Variants in SPTA1 observed in about 807,000 individuals in gnomAD.
SPTA1 encodes the protein spectrin alpha chain, erythrocytic 1.
Under a neutral mutation model 324.7 loss-of-function variants are expected in SPTA1, and 177 were observed. The ratio of observed to expected loss-of-function variants is 0.55; its 90% CI spans 0.48 to 0.62. The LOEUF (loss-of-function observed/expected upper bound fraction) is 0.62, where lower values mean the gene tolerates loss of function less well. Among genes scored for constraint, SPTA1 ranks in the 20% least tolerant of loss-of-function variants. The pLI is 0.00. For synonymous variants in SPTA1, 1,195 were observed against 1,041.3 expected, an observed-to-expected ratio of 1.15 and a Z score of -2.84; for missense variants, 3,162 against 2,883.6, an observed-to-expected ratio of 1.10 and a Z score of -2.21.
chr1:158,616,607 A>C (rs1176186263), intron 47 of SPTA1, among the ~76,000 whole-genome samples: 1 of 151,640 alleles, frequency 6.6e-6, no homozygotes, highest in Non-Finnish European at 1.5e-5. Context: ...GACAAATAAT[A>C]TTCCATTGTG....
At chr1:158,676,578 C>G (rs750983903) in intron 7 of SPTA1, among the ~76,000 whole-genome samples, 1 of 151,908 alleles carries the variant, frequency 6.6e-6, no homozygotes, top group Non-Finnish European at 1.5e-5. Context: ...TTCTTTTATG[C>G]GAAAACTGAG....
chr1:158,683,200 A>T (rs1264574220), intron 3 of SPTA1, among the ~76,000 whole-genome samples, 171 bp downstream of exon 3: 1 of 152,126 alleles, frequency 6.6e-6, no homozygotes, highest in Non-Finnish European at 1.5e-5. Flanking sequence ...TCTTCACCCC[A>T]AGAAACACGA....
chr1:158,664,359 T>C (rs1042457949), intron 16 of SPTA1, among the ~76,000 whole-genome samples: 9 of 152,102 alleles, frequency 5.9e-5, no homozygotes, highest in Admixed American at 4.6e-4. Flanking sequence ...TAAAAAAGAA[T>C]GAGTTCATGT....
chr1:158,673,179 G>A (rs1046634351), intron 10 of SPTA1, among the ~76,000 whole-genome samples: 25 of 151,218 alleles, frequency 1.7e-4, no homozygotes, highest in Middle Eastern at 3.4e-3. Flanking sequence ...AAGTTTTTAA[G>A]TACTTTTGAG....
chr1:158,651,868 G>C (rs1652459931), intron 23 of SPTA1, among the ~76,000 whole-genome samples: 1 of 149,196 alleles, frequency 6.7e-6, no homozygotes, highest in African/African-American at 2.5e-5. Context: ...GTAAGAAACA[G>C]CTCTAGGGAG....
At chr1:158,676,107 A>T (rs1282945521) in intron 8 of SPTA1, 34 bp downstream of exon 8, 1 of 1,612,578 alleles carries the variant, frequency 6.2e-7, no homozygotes, top group Non-Finnish European at 8.5e-7. Context: ...CCCTGTAGAG[A>T]TAGGTAGAGC....
Position 158,638,086 on chromosome 1 carries a change from G to A in SPTA1, c.5136C>T (p.Ala1712=), listed in dbSNP as rs778890553. ...AAAHHEKLKE[A]YALFQFFQDL... The stretch of plus-strand genomic sequence containing the variant: ...CCTGGAAGAACTGGAACAAGGCATA[G>A]GCCTCTTTCAATTTTTCGTGGTGTG... The change falls in exon 36 of 52, where the codon GCC becomes GCT. Residue 1712 remains alanine, a synonymous_variant. Transcript: ENST00000643759. The A allele has an allele frequency of 2.9e-5, 47 of 1,613,868 alleles. No homozygotes were observed. Among genetic ancestry groups the A allele is most frequent in the Admixed American group, 5.0e-5 (3 of 59,976 alleles).
Position 158,649,254 on chromosome 1 carries a change from TC to T in SPTA1, c.3569+601del, listed in dbSNP as rs113243911. 9.9e-3 allele frequency among the ~76,000 whole-genome samples: 1,503 copies of T among 152,252 alleles called. 28 individuals are homozygous for T. Among genetic ancestry groups the T allele is most frequent in the African/African-American group, 0.035 (1,441 of 41,544 alleles). ...GTTGAGAAATGTAATTACTTAAACC[TC>T]CTGTTTCAACTTCAAGTTTCTTTCT... On this transcript the variant is annotated intron_variant, in intron 25 of 51. Transcript: ENST00000643759.
chr1:158,642,520 G>A lies in SPTA1; in HGVS notation c.4628C>T (p.Thr1543Ile). Residue 1543 changes from threonine to isoleucine, a missense_variant, in exon 33 of 52, where the codon ACC becomes ATC. Coordinates refer to ENST00000643759, the MANE Select transcript of SPTA1 (RefSeq NM_003126.4). ...TCGGCCATCGACTTCATGTGCAAAG[G>A]TCTGGTGTTTCAGGTATTTCCTCTG... is the stretch of plus-strand genomic sequence containing the variant. Reference protein sequence around the residue: ...NIQRKYLKHQTFAHEVDGRSE... With the variant: ...NIQRKYLKHQIFAHEVDGRSE... 6.2e-7 allele frequency: 1 copy of A among 1,613,530 alleles called. No homozygotes were observed.
intron 27 of SPTA1, among the ~76,000 whole-genome samples, chr1:158,646,800 A>G (rs958804134): frequency 5.9e-5 from 9 of 152,140 alleles, no homozygotes; most frequent in Non-Finnish European, 1.3e-4. Flanking sequence ...CATTGCATTG[A>G]GAGCTACAAC....
chr1:158,631,955 G>A (rs1650702482), intron 39 of SPTA1, among the ~76,000 whole-genome samples: 1 of 152,030 alleles, frequency 6.6e-6, no homozygotes, highest in South Asian at 2.1e-4. Flanking sequence ...TTATCCAAAA[G>A]GATAAGGAAA....
rs374892311 is a variant in SPTA1, at chr1:158,674,405, C to T, written c.1274G>A (p.Arg425Gln). 7 of 1,614,058 alleles carry T rather than the reference C, an allele frequency of 4.3e-6. No homozygotes were observed. Among genetic ancestry groups the T allele is most frequent in the Admixed American group, 3.3e-5 (2 of 60,010 alleles). Residue 425 changes from arginine to glutamine, a missense_variant, in exon 10 of 52, where the codon CGA becomes CAA. Physicochemically the swap from Arg to Gln is conservative, Grantham distance 43. Transcript: ENST00000643759. ...ACCAGTCTCATCAGCAGATTGAAAT[C>T]GGTCATCGTAAGAGTCAATCTCATG... ...HKHEIDSYDD[R>Q]FQSADETGQD...
chr1:158,640,919 CT>C (rs1651509746), intron 33 of SPTA1, among the ~76,000 whole-genome samples: 1 of 152,156 alleles, frequency 6.6e-6, no homozygotes, highest in African/African-American at 2.4e-5. Context: ...TACTACAAGG[CT>C]ACAGTAACCA....
At chr1:158,619,538 G>A (rs916038967) in intron 44 of SPTA1, among the ~76,000 whole-genome samples, 1 of 152,114 alleles carries the variant, frequency 6.6e-6, no homozygotes, top group Admixed American at 6.5e-5. Context: ...TTTCCCAAGA[G>A]TACTTGCAGG....
intron 18 of SPTA1, 22 bp downstream of exon 18, chr1:158,661,265 A>C (rs372288939): frequency 1.2e-6 from 2 of 1,613,802 alleles, no homozygotes; most frequent in Admixed American, 1.7e-5. Context: ...GTTTTGTCCA[A>C]CTGAATCTCA....
chr1:158,681,717 G>A, intron 3 of SPTA1, 50 bp from the exon 4 acceptor site: 2 of 1,611,950 alleles, frequency 1.2e-6, no homozygotes, highest in Non-Finnish European at 1.7e-6. Context: ...TGGGAGCAGG[G>A]AAACACTCAG....
At position 158,657,460 on chromosome 1, in the gene SPTA1, A is replaced by AGCCC; in HGVS notation, c.2805+16_2805+17insGGGC. On this transcript the variant is annotated intron_variant, in intron 19 of 51. Transcript: ENST00000643759. ...GTTTGTTGAGGATTCACAATGTTAA[A>AGCCC]CCCACCCCCACCTTACCCCAGCTGC... 6.7e-7 allele frequency: 1 copy of AGCCC among 1,495,598 alleles called. No homozygotes were observed. Among genetic ancestry groups the AGCCC allele is most frequent in the Non-Finnish European group, 9.3e-7 (1 of 1,077,584 alleles). 92.6% of individuals were successfully genotyped at this position (1,495,598 alleles called of 1,614,324 possible). A position where few individuals can be genotyped will look rare whatever the true frequency, so the allele number is the denominator to read the frequency against.
intron 39 of SPTA1, among the ~76,000 whole-genome samples, chr1:158,632,159 T>C (rs1397123940): frequency 6.6e-6 from 1 of 152,128 alleles, no homozygotes; most frequent in East Asian, 1.9e-4. Flanking sequence ...TAGATGAACC[T>C]TGAGGACATT....
At chr1:158,612,440 T>G (rs188239318) in intron 51 of SPTA1, 3 of 290,202 alleles carry the variant, frequency 1.0e-5, no homozygotes, top group African/African-American at 6.6e-5. Flanking sequence ...GTTTTTAACT[T>G]GTAAAGTTCT....
Sources: allele counts gnomAD v4.1 joint callset (sites outside exome capture counted in the v4.1 genomes callset), GRCh38; gene constraint gnomAD v4.1.1; transcripts MANE v1.5; gene names NCBI Gene and HGNC (gene_info 2026-07-23, HGNC 2026-07-21).